Variants in SYT17 observed in about 807,000 individuals in gnomAD.
The protein encoded by SYT17 is synaptotagmin-17.
SYT17 carries 22 observed loss-of-function variants against 46.7 expected under a neutral mutation model. The ratio of observed to expected loss-of-function variants is 0.47; its 90% CI spans 0.34 to 0.67. The LOEUF (loss-of-function observed/expected upper bound fraction) is 0.67, where lower values mean the gene tolerates loss of function less well. Ranked by LOEUF, SYT17 falls within the 30% of genes least tolerant of loss-of-function variation. SYT17 has a pLI of 0.01. For missense variants in SYT17, 519 were observed against 612.8 expected (o/e 0.85, Z 1.62); for synonymous variants, 251 against 248.4 (o/e 1.01, Z -0.10).
At position 19,180,455 on chromosome 16, in the gene SYT17, A is replaced by T. The variant is rs1964502571; in HGVS notation, c.247A>T (p.Thr83Ser). The change falls in exon 4 of 8, where the codon ACC (threonine) becomes TCC (serine). Residue 83 changes from threonine to serine, a missense_variant. Physicochemically the swap from Thr to Ser is moderately conservative, Grantham distance 58 (BLOSUM62 1). Transcript: ENST00000355377. The stretch of plus-strand genomic sequence containing the variant: ...CCACACGGCCAGCGAAGTCCCGCTG[A>T]CCCCACGGACCAATTCCCCGGATGG... ...SVHTASEVPL[T>S]PRTNSPDGRR... The T allele has an allele frequency of 6.2e-7, 1 of 1,613,954 alleles. No homozygotes were observed. Among genetic ancestry groups the T allele is most frequent in the African/African-American group, 1.3e-5 (1 of 74,890 alleles).
chr16:19,238,893 GAGTA>G (rs911254241), intron 7 of SYT17, among the ~76,000 whole-genome samples: 9 of 152,206 alleles, frequency 5.9e-5, no homozygotes, highest in African/African-American at 1.9e-4. Flanking sequence ...CAGAAACCAA[GAGTA>G]TGCTTTCAGA....
chr16:19,174,892 C>T (rs1964253497), intron 3 of SYT17, among the ~76,000 whole-genome samples: 1 of 152,054 alleles, frequency 6.6e-6, no homozygotes, highest in African/African-American at 2.4e-5. Context: ...TGAGGGCAGG[C>T]GGATCACTTG....
intron 5 of SYT17, among the ~76,000 whole-genome samples, chr16:19,207,601 A>G (rs1965722603): frequency 1.3e-5 from 2 of 152,074 alleles, no homozygotes; most frequent in African/African-American, 4.8e-5. Flanking sequence ...AACAGCACCA[A>G]AGGGGGAAAT....
intron 7 of SYT17, among the ~76,000 whole-genome samples, chr16:19,257,441 AAAG>A (rs1242584428): frequency 6.6e-6 from 1 of 151,534 alleles, no homozygotes; most frequent in Non-Finnish European, 1.5e-5. Context: ...TAGGTTTCTG[AAAG>A]AAGAAAAAAA....
chr16:19,244,537 T>C (rs531527099), intron 7 of SYT17, among the ~76,000 whole-genome samples: 1 of 151,880 alleles, frequency 6.6e-6, no homozygotes, highest in African/African-American at 2.4e-5. Context: ...GTCTCACTGT[T>C]TTGCCCAAGC....
In SYT17 at chr16:19,168,628, T is replaced by A. The variant is rs1368187019; in HGVS notation, c.-19T>A. The A allele has an allele frequency of 2.8e-5, 43 of 1,537,370 alleles. No homozygotes were observed. The highest frequency in any genetic ancestry group is 3.7e-5 in the Non-Finnish European group (42 of 1,140,558). On this transcript the variant is annotated 5_prime_UTR_variant, in exon 1 of 8. An upstream open reading frame in the 5' UTR loses its in-frame stop. Coordinates refer to ENST00000355377, the MANE Select transcript of SYT17 (RefSeq NM_016524.4). The surrounding 1 kb of genome is among the most constrained non-coding windows in gnomAD (Gnocchi z 6.9). The stretch of plus-strand genomic sequence containing the variant: ...TGGCGGCGCCATGCCCGGGCCGGAG[T>A]GAGTGCGCGCGGGCGAAAATGGCGT...
chr16:19,175,986 A>C (rs1964298498), intron 3 of SYT17, among the ~76,000 whole-genome samples: 1 of 152,202 alleles, frequency 6.6e-6, no homozygotes, highest in Non-Finnish European at 1.5e-5. Context: ...GAGGTAAGGC[A>C]GGTATGTAAG....
chr16:19,185,447 A>T (rs1413065954), intron 5 of SYT17, among the ~76,000 whole-genome samples: 1 of 152,132 alleles, frequency 6.6e-6, no homozygotes, highest in Non-Finnish European at 1.5e-5. Context: ...AAAATTAGCT[A>T]GGCATGGTAG....
chr16:19,197,528 A>G (rs925263423), intron 5 of SYT17, among the ~76,000 whole-genome samples: 2 of 151,964 alleles, frequency 1.3e-5, no homozygotes, highest in African/African-American at 4.8e-5. Context: ...AGTTCACTGC[A>G]GCTTCTACCT....
At chr16:19,251,277 T>A (rs1301274773) in intron 7 of SYT17, among the ~76,000 whole-genome samples, 1 of 152,198 alleles carries the variant, frequency 6.6e-6, no homozygotes, top group East Asian at 1.9e-4. Context: ...GACCACAGGC[T>A]GGGTCCCAGG....
In SYT17 at chr16:19,188,698, G is replaced by A. The variant is rs117320168; in HGVS notation, c.951+4551G>A. Among the ~76,000 whole-genome samples, 243 of 152,264 alleles carry A rather than the reference G, an allele frequency of 1.6e-3. 2 individuals are homozygous for A. In the East Asian group the frequency reaches 0.038, roughly 24 times the overall value. On this transcript the variant is annotated intron_variant, in intron 5 of 7. Transcript: ENST00000355377. ...AATTTATTGTCTCACAGGCCTGGAGGCAAGGAGTCCCAGATCAAGGCATTA... is the reference window on the plus strand; with the variant it reads ...AATTTATTGTCTCACAGGCCTGGAGACAAGGAGTCCCAGATCAAGGCATTA...
chr16:19,214,942 C>A (rs229023), intron 5 of SYT17, among the ~76,000 whole-genome samples: 2,789 of 152,212 alleles, frequency 0.018, 51 homozygotes, highest in Non-Finnish European at 0.031. Flanking sequence ...GCGCCCACCC[C>A]ACACACAGCT....
At chr16:19,215,967 T>G (rs1966081788) in intron 5 of SYT17, among the ~76,000 whole-genome samples, 1 of 152,154 alleles carries the variant, frequency 6.6e-6, no homozygotes. Context: ...CCATCAGATC[T>G]CGTGAGACTT....
At chr16:19,185,092 C>T (rs1269413546) in intron 5 of SYT17, among the ~76,000 whole-genome samples, 5 of 151,962 alleles carry the variant, frequency 3.3e-5, no homozygotes, top group Non-Finnish European at 7.4e-5. Flanking sequence ...CCTCCCTTCC[C>T]GCTTCTCTCT....
chr16:19,216,217 G>A (rs1966089657), intron 5 of SYT17, among the ~76,000 whole-genome samples: 1 of 151,984 alleles, frequency 6.6e-6, no homozygotes, highest in Admixed American at 6.6e-5. Context: ...ACCCTTCCCT[G>A]CAATATTTGC....
intron 6 of SYT17, 83 bp downstream of exon 6, chr16:19,223,248 T>C (rs924972269): frequency 1.3e-6 from 2 of 1,537,754 alleles, no homozygotes; most frequent in Non-Finnish European, 1.8e-6. Flanking sequence ...TTTTTCCGTA[T>C]CCTGGATGAG....
At chr16:19,205,728 G>T (rs748759306) in intron 5 of SYT17, among the ~76,000 whole-genome samples, 1 of 152,030 alleles carries the variant, frequency 6.6e-6, no homozygotes, top group African/African-American at 2.4e-5. Flanking sequence ...GTGATCCACC[G>T]GCCTCGGCCT....
chr16:19,245,273 G>A (rs1567230291), intron 7 of SYT17, among the ~76,000 whole-genome samples: 1 of 152,168 alleles, frequency 6.6e-6, no homozygotes, highest in Admixed American at 6.5e-5. Context: ...CACAGCTCAG[G>A]GATGCTACTG....
chr16:19,257,270 G>T (rs543728457), intron 7 of SYT17, among the ~76,000 whole-genome samples: 1 of 151,978 alleles, frequency 6.6e-6, no homozygotes, highest in African/African-American at 2.4e-5. Context: ...CTTAAGTCAT[G>T]GATGAAACTT....
Sources: gnomAD v4.1 joint callset for allele counts (sites outside exome capture counted in the v4.1 genomes callset) on GRCh38, gnomAD v4.1.1 for gene constraint, Gnocchi (gnomAD v3.1) non-coding constraint, MANE v1.5 for transcripts, NCBI Gene and HGNC (gene_info 2026-07-23, HGNC 2026-07-21) for gene names.